HSPA14: variants seen among roughly 807,000 people sequenced by gnomAD.
HSPA14 encodes heat shock protein family A (Hsp70) member 14, also known as heat shock 70 kDa protein 14.
Under a neutral mutation model 65.5 loss-of-function variants are expected in HSPA14, and 37 were observed. The observed-to-expected ratio is 0.56, with a 90% CI of 0.43 to 0.74. The LOEUF is 0.74. HSPA14 is among the 30% of genes least tolerant of loss of function. The pLI, the probability that HSPA14 is intolerant of heterozygous loss-of-function variation, is 0.00. For synonymous variants in HSPA14, 203 were observed against 214.2 expected (o/e 0.95, Z 0.46); for missense variants, 564 against 607.6 (o/e 0.93, Z 0.75).
chr10:14,856,616 C>T (rs564455458), intron 10 of HSPA14, among the ~76,000 whole-genome samples: 3 of 152,218 alleles, frequency 2.0e-5, no homozygotes, highest in African/African-American at 7.2e-5. Context: ...AATGCCAACA[C>T]TTTGGGAGGT....
chr10:14,854,118 A>G lies in HSPA14; in HGVS notation c.735-7A>G, dbSNP rs781348378. 5.7e-6 allele frequency: 9 copies of G among 1,586,432 alleles called. No homozygotes were observed. Among genetic ancestry groups the G allele is most frequent in the Admixed American group, 3.8e-5 (2 of 52,436 alleles). On this transcript the variant is annotated splice_region_variant and splice_polypyrimidine_tract_variant and intron_variant, in intron 8 of 13. Transcript: ENST00000378372. The stretch of plus-strand genomic sequence containing the variant: ...TTTAAACCCCAAAGGCTATGTTTTT[A>G]ATTTAGATCCTTCAAACATGATGTG...
intron 3 of HSPA14, chr10:14,843,517 G>A (rs1588807116): frequency 1.3e-6 from 2 of 1,550,664 alleles, no homozygotes; most frequent in Non-Finnish European, 1.7e-6. Context: ...CACTCCTGGG[G>A]TAGCCTCCAC....
chr10:14,866,979 T>G, intron 10 of HSPA14, 104 bp from the exon 11 acceptor site: 1 of 776,970 alleles, frequency 1.3e-6, no homozygotes, highest in Non-Finnish European at 2.1e-6. Flanking sequence ...TTTTTTTGTA[T>G]TTTATCTTTA....
At chr10:14,852,227 G>A in intron 7 of HSPA14, 143 bp from the exon 8 acceptor site, 1 of 665,122 alleles carries the variant, frequency 1.5e-6, no homozygotes, top group South Asian at 2.0e-5. Context: ...TTGTCAATAA[G>A]TGACTATAGA....
At chr10:14,855,746 AG>A in intron 9 of HSPA14, 94 bp from the exon 10 acceptor site, 1 of 639,760 alleles carries the variant, frequency 1.6e-6, no homozygotes. Flanking sequence ...CACAAGAAAA[AG>A]AAAAGTGATA....
chr10:14,868,896 G>C (rs1257446760), intron 12 of HSPA14, among the ~76,000 whole-genome samples: 1 of 152,184 alleles, frequency 6.6e-6, no homozygotes, highest in Non-Finnish European at 1.5e-5. Flanking sequence ...GCCCAGGCCA[G>C]AGTGCAGTGG....
At chr10:14,844,217 A>G in intron 3 of HSPA14, 1 of 1,123,232 alleles carries the variant, frequency 8.9e-7, no homozygotes, top group Middle Eastern at 3.9e-4. Flanking sequence ...GGGATCAATA[A>G]TAACTCCTGC....
chr10:14,858,279 C>T (rs1416975035), intron 10 of HSPA14, among the ~76,000 whole-genome samples: 2 of 152,074 alleles, frequency 1.3e-5, no homozygotes, highest in Admixed American at 6.6e-5. Flanking sequence ...CATGAAGCCC[C>T]CTCATTTCAT....
chr10:14,845,484 G>C, intron 3 of HSPA14: 1 of 985,370 alleles, frequency 1.0e-6, no homozygotes, highest in African/African-American at 1.7e-5. Flanking sequence ...AGGGATGGAG[G>C]TGTGAGGCGG....
Position 14,867,713 on chromosome 10 carries a change from G to A in HSPA14, c.1207-23G>A, listed in dbSNP as rs201098664. The A allele has an allele frequency of 2.6e-4, 424 of 1,601,344 alleles. 1 individual carries two copies. Among genetic ancestry groups the A allele is most frequent in the Middle Eastern group, 2.2e-3 (13 of 5,976 alleles). Reference sequence around the variant, plus strand: ...TGTAAAGATAAATACCAAAGAGTATGCACCTTGTTTCCTGCTAACTAGGGT... The same window carrying A: ...TGTAAAGATAAATACCAAAGAGTATACACCTTGTTTCCTGCTAACTAGGGT... On this transcript the variant is annotated intron_variant, in intron 11 of 13. Transcript: ENST00000378372.
At chr10:14,843,964 C>T in intron 3 of HSPA14, 1 of 1,510,472 alleles carries the variant, frequency 6.6e-7, no homozygotes, top group African/African-American at 1.4e-5. Flanking sequence ...CTTCTGAATC[C>T]CTGGCTCCTT....
intron 10 of HSPA14, among the ~76,000 whole-genome samples, chr10:14,863,949 G>C (rs1454678508): frequency 7.1e-6 from 1 of 140,606 alleles, no homozygotes. Context: ...CCACCAAAAT[G>C]TACCAAAAAA....
In HSPA14 at chr10:14,854,242, A is replaced by T; in HGVS notation, c.852A>T (p.Ser284=). Residue 284 remains serine (S), a synonymous_variant, in exon 9 of 14, where the codon TCA becomes TCT. Transcript: ENST00000378372. ...TLGSANCFLD[S]LYEGQDFDCN... ...GAAGTGCCAACTGTTTTCTTGACTC[A>T]TTATATGAAGGTCAAGATTTTGATT... 2 of 1,612,984 alleles carry T rather than the reference A, an allele frequency of 1.2e-6. No homozygotes were observed. Among genetic ancestry groups the T allele is most frequent in the Non-Finnish European group, 1.7e-6 (2 of 1,179,662 alleles).
chr10:14,860,374 TG>T (rs1158211486), intron 10 of HSPA14, among the ~76,000 whole-genome samples: 2 of 152,090 alleles, frequency 1.3e-5, no homozygotes, highest in African/African-American at 4.8e-5. Flanking sequence ...AACAATATAG[TG>T]AGGATATACA....
chr10:14,854,251 A>G lies in HSPA14; in HGVS notation c.861A>G (p.Glu287=), dbSNP rs1341033222. The part of the protein sequence containing the change: ...SANCFLDSLY[E]GQDFDCNVSR... ...ACTGTTTTCTTGACTCATTATATGA[A>G]GGTCAAGATTTTGATTGCAATGTGT... The change falls in exon 9 of 14, where the codon GAA becomes GAG. Residue 287 remains glutamate, a synonymous_variant. Coordinates refer to ENST00000378372, the MANE Select transcript of HSPA14 (RefSeq NM_016299.4). The G allele has an allele frequency of 1.2e-6, 2 of 1,608,696 alleles. No individual in the cohort carries two copies.
intron 3 of HSPA14, chr10:14,844,299 G>A (rs776601580): frequency 9.2e-7 from 1 of 1,088,338 alleles, no homozygotes; most frequent in Non-Finnish European, 1.1e-6. Flanking sequence ...AAGTTTAAAA[G>A]CACTGTACAC....
At chr10:14,843,141 T>G (rs1461873869) in intron 3 of HSPA14, among the ~76,000 whole-genome samples, 7 of 152,172 alleles carry the variant, frequency 4.6e-5, no homozygotes, top group Non-Finnish European at 1.5e-5. Flanking sequence ...TAGAGTGGGT[T>G]GGATAGCTAT....
chr10:14,843,943 C>T (rs975961960), intron 3 of HSPA14: 17 of 1,524,590 alleles, frequency 1.1e-5, no homozygotes, highest in Non-Finnish European at 1.5e-5. Flanking sequence ...AAGTCTAGTT[C>T]CCAAACCTGC....
chr10:14,850,146 C>T (rs1834097165), intron 6 of HSPA14, among the ~76,000 whole-genome samples: 1 of 151,936 alleles, frequency 6.6e-6, no homozygotes, highest in South Asian at 2.1e-4. Flanking sequence ...GGTGTTGGTG[C>T]CTATAATCTC....
Sources: allele counts gnomAD v4.1 joint callset (sites outside exome capture counted in the v4.1 genomes callset), GRCh38; gene constraint gnomAD v4.1.1; transcripts MANE v1.5; gene names NCBI Gene and HGNC (gene_info 2026-07-23, HGNC 2026-07-21).